The following MPDZ variants were observed in gnomAD, a reference collection of about 807,000 sequenced individuals.
The protein encoded by MPDZ is multiple PDZ domain crumbs cell polarity complex component.
In MPDZ, 234 loss-of-function variants were observed where a neutral mutation model predicts 239.1. The observed-to-expected ratio is 0.98, with a 90% CI of 0.88 to 1.09. The LOEUF is 1.09. Ranked by LOEUF, MPDZ falls within the 50% of genes least tolerant of loss-of-function variation. The probability of loss-of-function intolerance (pLI) is 0.00; values close to 1 mark genes in which losing one functional copy is unlikely to be tolerated. For synonymous variants in MPDZ, 1,048 were observed against 881.3 expected, an observed-to-expected ratio of 1.19 and a Z score of -3.35; for missense variants, 3,175 against 2,510.0, an observed-to-expected ratio of 1.26 and a Z score of -5.66.
At chr9:13,185,918 A>G (rs1954031305) in intron 18 of MPDZ, among the ~76,000 whole-genome samples, 1 of 152,140 alleles carries the variant, frequency 6.6e-6, no homozygotes, top group Middle Eastern at 3.2e-3. Context: ...AAATACAGCC[A>G]AAACAGTGAT....
At chr9:13,272,884 G>C (rs1373973257) in intron 1 of MPDZ, among the ~76,000 whole-genome samples, 1 of 152,050 alleles carries the variant, frequency 6.6e-6, no homozygotes, top group African/African-American at 2.4e-5. Context: ...GACCTATTAA[G>C]GGGGCTGCTA....
intron 27 of MPDZ, among the ~76,000 whole-genome samples, chr9:13,142,128 G>A (rs1183143410): frequency 6.6e-6 from 1 of 151,914 alleles, no homozygotes; most frequent in Non-Finnish European, 1.5e-5. Flanking sequence ...CTTTTTAAAA[G>A]GTAAAACAAA....
At position 13,115,294 on chromosome 9, in the gene MPDZ, T is replaced by C. The variant is rs1250973649; in HGVS notation, c.5420A>G (p.Lys1807Arg). The C allele has an allele frequency of 1.2e-6, 2 of 1,612,760 alleles. No homozygotes were observed. Among genetic ancestry groups the C allele is most frequent in the Non-Finnish European group, 1.7e-6 (2 of 1,179,834 alleles). Residue 1807 changes from lysine to arginine, a missense_variant, in exon 40 of 47, where the codon AAA becomes AGA. Physicochemically the swap from Lys to Arg is conservative, Grantham distance 26. Transcript: ENST00000319217. ...CCTCTCTGAATGGAATGGACCAGCT[T>C]TGATTCTTCCAACTTCCAAGGTTAC... ...GTVTLEVGRI[K>R]AGPFHSERRP...
chr9:13,273,842 C>G (rs1402673814), intron 1 of MPDZ, among the ~76,000 whole-genome samples: 1 of 152,158 alleles, frequency 6.6e-6, no homozygotes, highest in Non-Finnish European at 1.5e-5. Context: ...CCACTGGTAT[C>G]CTACATGCCA....
In MPDZ at chr9:13,181,481, C is replaced by T. The variant is rs369414919; in HGVS notation, c.2649+1937G>A. 3.9e-5 allele frequency among the ~76,000 whole-genome samples: 6 copies of T among 152,234 alleles called. No individual in the cohort carries two copies. In the East Asian group the frequency reaches 1.2e-3, roughly 29 times the overall value. ...ATGTTGCAGAGATTTTACCACGATG[C>T]AGGAACAGTCCTACTTTTTAAGAAA... On this transcript the variant is annotated intron_variant, in intron 19 of 46. Transcript: ENST00000319217.
At position 13,143,583 on chromosome 9, in the gene MPDZ, G is replaced by A; in HGVS notation, c.3742-19C>T. The A allele has an allele frequency of 6.3e-7, 1 of 1,585,744 alleles. No homozygotes were observed. Among genetic ancestry groups the A allele is most frequent in the South Asian group, 1.1e-5 (1 of 90,490 alleles). ...GGGATTTCTAAAAGGAAACATAAGA[G>A]GCGCTGAACGCAAAGGAAATGTATT... is the stretch of plus-strand genomic sequence containing the variant. On this transcript the variant is annotated intron_variant, in intron 26 of 46. Transcript: ENST00000319217.
chr9:13,236,727 T>C (rs868416369), intron 3 of MPDZ, among the ~76,000 whole-genome samples: 12 of 152,222 alleles, frequency 7.9e-5, no homozygotes, highest in Admixed American at 2.0e-4. Flanking sequence ...CGAATAAAGA[T>C]TGGAAAATAA....
At position 13,222,321 on chromosome 9, in the gene MPDZ, A is replaced by G. The variant is rs61754775; in HGVS notation, c.659T>C (p.Ile220Thr). ...QKAKDTVQLV[I>T]ARGSLPQLVS... ...AAGCTGAGGCAATGAGCCTCTGGCA[A>G]TAACTAGCTGGACAGTATCTTTGGC... The change falls in exon 6 of 47, where the codon ATT (isoleucine) becomes ACT (threonine). Residue 220 changes from isoleucine (I) to threonine (T), a missense_variant. Transcript: ENST00000319217. 1.9e-6 allele frequency: 3 copies of G among 1,613,048 alleles called. No individual in the cohort carries two copies. The highest frequency in any genetic ancestry group is 2.2e-5 in the East Asian group (1 of 44,832).
chr9:13,216,414 A>T (rs1958351900), intron 10 of MPDZ, among the ~76,000 whole-genome samples: 1 of 151,554 alleles, frequency 6.6e-6, no homozygotes, highest in South Asian at 2.1e-4. Context: ...GGCATCCCTA[A>T]TTCATATTCC....
intron 1 of MPDZ, among the ~76,000 whole-genome samples, chr9:13,258,328 A>AT (rs1334034031): frequency 1.3e-5 from 2 of 152,228 alleles, no homozygotes; most frequent in Non-Finnish European, 2.9e-5. Flanking sequence ...AACTGCCCAA[A>AT]TGCATACAAT....
intron 26 of MPDZ, among the ~76,000 whole-genome samples, chr9:13,144,580 A>G (rs1253586935): frequency 6.6e-6 from 1 of 152,054 alleles, no homozygotes; most frequent in African/African-American, 2.4e-5. Flanking sequence ...AAAAAGCCCC[A>G]CTGGCAGGCA....
chr9:13,153,179 C>G (rs1379733401), intron 24 of MPDZ, among the ~76,000 whole-genome samples: 2 of 152,044 alleles, frequency 1.3e-5, no homozygotes, highest in African/African-American at 4.8e-5. Context: ...TGAAAGAGCA[C>G]CACAAAGAGG....
intron 35 of MPDZ, among the ~76,000 whole-genome samples, chr9:13,124,021 G>A (rs571144337): frequency 1.3e-5 from 2 of 152,290 alleles, no homozygotes; most frequent in African/African-American, 2.4e-5. Context: ...CATATCATAT[G>A]TTTTACGATA....
chr9:13,224,566 T>A lies in MPDZ; in HGVS notation c.201A>T (p.Ser67=). ...GGGCATATTCAATATTTGAAGTTGCTGAAGTTGCAATATTTACCTAAGAGT... is the reference window on the plus strand; with the variant it reads ...GGGCATATTCAATATTTGAAGTTGCAGAAGTTGCAATATTTACCTAAGAGT... ...QLKDQVNIAT[S]ATSNIEYAHV... is the part of the protein sequence containing the mutation. The change falls in exon 4 of 47, where the codon TCA becomes TCT. Residue 67 remains serine, a synonymous_variant. Coordinates refer to ENST00000319217, the MANE Select transcript of MPDZ (RefSeq NM_001378778.1). 2.5e-6 allele frequency: 4 copies of A among 1,610,228 alleles called. No individual in the cohort carries two copies. Among genetic ancestry groups the A allele is most frequent in the Non-Finnish European group, 3.4e-6 (4 of 1,177,768 alleles).
At chr9:13,253,947 A>G (rs1968763117) in intron 1 of MPDZ, among the ~76,000 whole-genome samples, 1 of 152,218 alleles carries the variant, frequency 6.6e-6, no homozygotes, top group Non-Finnish European at 1.5e-5. Flanking sequence ...AGGTACAGAC[A>G]GATTAAGTAA....
At chr9:13,126,089 G>C (rs529023320) in intron 34 of MPDZ, among the ~76,000 whole-genome samples, 2 of 152,266 alleles carry the variant, frequency 1.3e-5, no homozygotes, top group African/African-American at 2.4e-5. Context: ...CTTTTGAGGA[G>C]AGGGAACTCA....
intron 32 of MPDZ, among the ~76,000 whole-genome samples, chr9:13,130,486 T>G (rs979802744): frequency 2.6e-5 from 4 of 152,026 alleles, no homozygotes; most frequent in Non-Finnish European, 4.4e-5. Context: ...TGACACTGAG[T>G]AATGGAAAAA....
intron 3 of MPDZ, among the ~76,000 whole-genome samples, chr9:13,240,144 C>A (rs1420506522): frequency 6.6e-6 from 1 of 151,952 alleles, no homozygotes; most frequent in Admixed American, 6.6e-5. Context: ...AGTGTTTTTC[C>A]TATCAGTCCC....
chr9:13,128,201 A>G (rs1327906378), intron 32 of MPDZ, among the ~76,000 whole-genome samples: 1 of 152,208 alleles, frequency 6.6e-6, no homozygotes, highest in East Asian at 1.9e-4. Context: ...ACCTAAAAGC[A>G]TGGGCTAGAC....
Sources: gnomAD v4.1 joint callset for allele counts (sites outside exome capture counted in the v4.1 genomes callset) on GRCh38, gnomAD v4.1.1 for gene constraint, MANE v1.5 for transcripts, NCBI Gene and HGNC (gene_info 2026-07-23, HGNC 2026-07-21) for gene names.